NELFE: variants seen among roughly 807,000 people sequenced by gnomAD.
The protein encoded by NELFE is negative elongation factor E.
A neutral mutation model predicts 55.5 loss-of-function variants in NELFE; 26 were observed. The ratio of observed to expected loss-of-function variants is 0.47; its 90% CI spans 0.34 to 0.65. The LOEUF is 0.65. NELFE is among the 30% of genes least tolerant of loss of function. NELFE has a pLI of 0.01. For synonymous variants in NELFE, 162 were observed against 178.0 expected (o/e 0.91, Z 0.72); for missense variants, 403 against 506.9 (o/e 0.80, Z 1.97).
chr6:31,954,753 G>C lies in NELFE; in HGVS notation c.544C>G (p.Pro182Ala). The part of the protein sequence containing the change: ...ERSGAHSSAS[P>A]PRSRSRDRSH... ...CGGTCCCGGCTGCGGCTTCGGGGAGGGGAGGCTGAGGAGTGGGCACCACTG... is the reference window on the plus strand; with the variant it reads ...CGGTCCCGGCTGCGGCTTCGGGGAGCGGAGGCTGAGGAGTGGGCACCACTG... Residue 182 changes from proline (P) to alanine (A), a missense_variant, in exon 7 of 11, where the codon CCT (proline) becomes GCT (alanine). Coordinates refer to ENST00000375429, the MANE Select transcript of NELFE (RefSeq NM_002904.6). This position sits in a 1 kb window ranked among gnomAD's most constrained non-coding sequence, Gnocchi z 5.5. 6.2e-7 allele frequency: 1 copy of C among 1,613,346 alleles called. No homozygotes were observed. The highest frequency in any genetic ancestry group is 8.5e-7 in the Non-Finnish European group (1 of 1,180,014).
At position 31,957,005 on chromosome 6, in the gene NELFE, C is replaced by A. The variant is rs774221958; in HGVS notation, c.81G>T (p.Lys27Asn). The A allele has an allele frequency of 1.3e-6, 2 of 1,598,654 alleles. No homozygotes were observed. The highest frequency in any genetic ancestry group is 1.7e-6 in the Non-Finnish European group (2 of 1,168,236). Residue 27 changes from lysine to asparagine, a missense_variant, in exon 3 of 11, where the codon AAG becomes AAT. By Grantham distance (94) the Lys-to-Asn change is moderately conservative (BLOSUM62 0). Around this residue, in one of 3 missense-constraint regions of NELFE, gnomAD observed 97 missense variants for 155.3 expected, o/e 0.62. Coordinates refer to ENST00000375429, the MANE Select transcript of NELFE (RefSeq NM_002904.6). ...KKFNKLKKKK[K>N]ALLALKKQSS... ...TTTGCTTCTTCAGAGCCAGCAATGCCTTTTTCTGGGAACAAGGGTGAGAAG... is the reference window on the plus strand; with the variant it reads ...TTTGCTTCTTCAGAGCCAGCAATGCATTTTTCTGGGAACAAGGGTGAGAAG...
intron 9 of NELFE, 89 bp from the exon 10 acceptor site, chr6:31,953,920 G>C (rs1771909627): frequency 7.3e-7 from 1 of 1,365,368 alleles, no homozygotes; most frequent in African/African-American, 1.4e-5. Flanking sequence ...ATCCTAGGAG[G>C]AGACTGAATA....
Position 31,954,507 on chromosome 6 carries a change from C to T in NELFE, c.742+48G>A. 1.3e-6 allele frequency: 2 copies of T among 1,584,528 alleles called. No individual in the cohort carries two copies. The highest frequency in any genetic ancestry group is 2.3e-5 in the South Asian group (2 of 85,840). The stretch of plus-strand genomic sequence containing the variant: ...GCCACATTTCACTTAGTAGGACCCA[C>T]ATAAACCTCAGTTAAGGTCACCTTG... On this transcript the variant is annotated intron_variant, in intron 7 of 10. Transcript: ENST00000375429. The surrounding 1 kb of genome is among the most constrained non-coding windows in gnomAD (Gnocchi z 5.5).
At chr6:31,953,701 G>T in intron 10 of NELFE, 28 bp downstream of exon 10, 1 of 1,562,430 alleles carries the variant, frequency 6.4e-7, no homozygotes, top group Non-Finnish European at 8.8e-7. Flanking sequence ...TGGGGGAGAG[G>T]ATGGGAAAGG....
rs183347669 is a variant in NELFE, at chr6:31,952,167, C to T, written c.*134G>A. 1.4e-4 allele frequency: 198 copies of T among 1,450,710 alleles called. No individual in the cohort carries two copies. In the African/African-American group the frequency reaches 2.3e-3, roughly 17 times the overall value. 89.9% of individuals were successfully genotyped at this position (1,450,710 alleles called of 1,614,324 possible). A position where few individuals can be genotyped will look rare whatever the true frequency, so the allele number is the denominator to read the frequency against. On this transcript the variant is annotated 3_prime_UTR_variant, in exon 11 of 11. Coordinates refer to ENST00000375429, the MANE Select transcript of NELFE (RefSeq NM_002904.6). ...TTACACTGAGATCAAACCTGACAGC[C>T]GTTTTTAAAGGTTTAACCCCAATCC...
In NELFE at chr6:31,954,239, A is replaced by G; in HGVS notation, c.887+59T>C. ...TGCAGGGAGGGCAGCTTCTTCCCTCAGGTCTCACACCCCAGGATTCTCCCA... is the reference window on the plus strand; with the variant it reads ...TGCAGGGAGGGCAGCTTCTTCCCTCGGGTCTCACACCCCAGGATTCTCCCA... On this transcript the variant is annotated intron_variant, in intron 8 of 10. Transcript: ENST00000375429. The surrounding 1 kb of genome is among the most constrained non-coding windows in gnomAD (Gnocchi z 5.5). 3 of 1,610,252 alleles carry G rather than the reference A, an allele frequency of 1.9e-6. No individual in the cohort carries two copies. Among genetic ancestry groups the G allele is most frequent in the Non-Finnish European group, 2.5e-6 (3 of 1,177,230 alleles).
In NELFE at chr6:31,952,259, A is replaced by G. The variant is rs754459419; in HGVS notation, c.*42T>C. The stretch of plus-strand genomic sequence containing the variant: ...TCCACCTCAGTGTTTTACTGAGACC[A>G]GCATTGGGGCATATGAGGCACAAGG... On this transcript the variant is annotated 3_prime_UTR_variant, in exon 11 of 11. Transcript: ENST00000375429. The G allele has an allele frequency of 3.3e-5, 51 of 1,532,634 alleles. No individual in the cohort carries two copies. Among genetic ancestry groups the G allele is most frequent in the Non-Finnish European group, 4.4e-5 (49 of 1,110,236 alleles). 94.9% of individuals were successfully genotyped at this position (1,532,634 alleles called of 1,614,324 possible).
chr6:31,958,239 A>G (rs1195452478), intron 2 of NELFE, 133 bp downstream of exon 2: 2 of 808,690 alleles, frequency 2.5e-6, no homozygotes, highest in Non-Finnish European at 4.3e-6. Context: ...CCACCTCTCG[A>G]AGCTACACTG....
At chr6:31,953,996 A>C (rs187866208) in intron 9 of NELFE, 84 bp downstream of exon 9, 2 of 1,490,664 alleles carry the variant, frequency 1.3e-6, no homozygotes, top group Non-Finnish European at 1.9e-6. Context: ...AGAGGAACCA[A>C]CTTCTTCCTG....
Position 31,953,816 on chromosome 6 carries a change from C to T in NELFE, c.958G>A (p.Val320Met). The T allele has an allele frequency of 6.2e-7, 1 of 1,613,030 alleles. No homozygotes were observed. Reference sequence around the variant, plus strand: ...TTGACTTTGAGCTGTACAGACTCCACCTGGGTCCCGTTGAGCTGAAGCAGA... The same window carrying T: ...TTGACTTTGAGCTGTACAGACTCCATCTGGGTCCCGTTGAGCTGAAGCAGA... ...QAVAELNGTQ[V>M]ESVQLKVNIA... Residue 320 changes from valine to methionine, a missense_variant, in exon 10 of 11, where the codon GTG (valine) becomes ATG (methionine). Physicochemically the swap from Val to Met is conservative, Grantham distance 21. Around this residue, in one of 3 missense-constraint regions of NELFE, gnomAD observed 77 missense variants for 123.3 expected, o/e 0.62. Coordinates refer to ENST00000375429, the MANE Select transcript of NELFE (RefSeq NM_002904.6).
chr6:31,954,692 C>A lies in NELFE; in HGVS notation c.605G>T (p.Arg202Leu). The A allele has an allele frequency of 6.2e-7, 1 of 1,611,178 alleles. No homozygotes were observed. Among genetic ancestry groups the A allele is most frequent in the Non-Finnish European group, 8.5e-7 (1 of 1,179,024 alleles). ...TCGATCCCGGTCTCGATCCCGCTCC[C>A]GATCTCGGTCTCTGTCCCGGTTCCT... ...HERNRDRDRD[R>L]ERDRDRDRDR... Residue 202 changes from arginine to leucine, a missense_variant, in exon 7 of 11, where the codon CGG (arginine) becomes CTG (leucine). Transcript: ENST00000375429. This position sits in a 1 kb window ranked among gnomAD's most constrained non-coding sequence, Gnocchi z 5.5.
rs760993431 is a variant in NELFE, at chr6:31,954,171, G to A, written c.888-37C>T. 6.2e-7 allele frequency: 1 copy of A among 1,611,448 alleles called. No individual in the cohort carries two copies. The highest frequency in any genetic ancestry group is 8.5e-7 in the Non-Finnish European group (1 of 1,177,594). ...GAAAACACGGTCAGTGGAGAGCCAA[G>A]GGGCTCTTCTGGACCCAACCAAACC... On this transcript the variant is annotated intron_variant, in intron 8 of 10. Coordinates refer to ENST00000375429, the MANE Select transcript of NELFE (RefSeq NM_002904.6). This position sits in a 1 kb window ranked among gnomAD's most constrained non-coding sequence, Gnocchi z 5.5.
At chr6:31,957,191 T>G (rs1385395881) in intron 2 of NELFE, 181 bp from the exon 3 acceptor site, 7 of 640,834 alleles carry the variant, frequency 1.1e-5, no homozygotes, top group Non-Finnish European at 1.9e-5. Flanking sequence ...TGGAAATTCC[T>G]AATCTAACCA....
In NELFE at chr6:31,952,213, G is replaced by T; in HGVS notation, c.*88C>A. The T allele has an allele frequency of 7.0e-7, 1 of 1,419,960 alleles. No individual in the cohort carries two copies. Among genetic ancestry groups the T allele is most frequent in the Non-Finnish European group, 9.8e-7 (1 of 1,016,290 alleles). The allele number at this position is 1,419,960 out of a possible 1,614,324, so 88.0% of individuals were successfully genotyped here. ...AATCCCAAGTGCTGAAAAACCAGAG[G>T]CTGAGGGAGATGTGTAAGCTTCCAC... On this transcript the variant is annotated 3_prime_UTR_variant, in exon 11 of 11. Coordinates refer to ENST00000375429, the MANE Select transcript of NELFE (RefSeq NM_002904.6).
At chr6:31,957,658 T>C (rs751347824) in intron 2 of NELFE, among the ~76,000 whole-genome samples, 5 of 152,222 alleles carry the variant, frequency 3.3e-5, no homozygotes, top group African/African-American at 7.2e-5. Context: ...TTGGAAGTAG[T>C]GAATAGTTCT....
At position 31,954,733 on chromosome 6, in the gene NELFE, C is replaced by T. The variant is rs1462436946; in HGVS notation, c.564G>A (p.Arg188=). 3 of 1,613,866 alleles carry T rather than the reference C, an allele frequency of 1.9e-6. No homozygotes were observed. The highest frequency in any genetic ancestry group is 3.3e-5 in the Admixed American group (2 of 60,020). Residue 188 remains arginine (R), a synonymous_variant, in exon 7 of 11, where the codon CGG becomes CGA. Coordinates refer to ENST00000375429, the MANE Select transcript of NELFE (RefSeq NM_002904.6). The surrounding 1 kb of genome is among the most constrained non-coding windows in gnomAD (Gnocchi z 5.5). ...CCCGGTTCCTCTCATGGCTGCGGTCCCGGCTGCGGCTTCGGGGAGGGGAGG... is the reference window on the plus strand; with the variant it reads ...CCCGGTTCCTCTCATGGCTGCGGTCTCGGCTGCGGCTTCGGGGAGGGGAGG... ...SSASPPRSRS[R]DRSHERNRDR...
chr6:31,954,776 C>T lies in NELFE; in HGVS notation c.521G>A (p.Ser174Asn). ...RSFDWGYEER[S>N]GAHSSASPPR... ...AGGGGAGGCTGAGGAGTGGGCACCA[C>T]TGCGTTCTTCATAGCCCCAGTCAAA... is the stretch of plus-strand genomic sequence containing the variant. Residue 174 changes from serine (S) to asparagine (N), a missense_variant, in exon 7 of 11, where the codon AGT becomes AAT. Coordinates refer to ENST00000375429, the MANE Select transcript of NELFE (RefSeq NM_002904.6). The surrounding 1 kb of genome is among the most constrained non-coding windows in gnomAD (Gnocchi z 5.5). 4.3e-6 allele frequency: 7 copies of T among 1,612,520 alleles called. No individual in the cohort carries two copies. The highest frequency in any genetic ancestry group is 5.9e-6 in the Non-Finnish European group (7 of 1,179,874).
intron 10 of NELFE, 26 bp downstream of exon 10, chr6:31,953,693 GGGGAGAGGAT>G (rs753772318): frequency 6.5e-7 from 1 of 1,539,758 alleles, no homozygotes; most frequent in South Asian, 1.1e-5. Context: ...ATGGCCTGTG[GGGGAGAGGAT>G]GGGAAAGGAA....
At chr6:31,955,818 G>A (rs1168907861) in intron 4 of NELFE, among the ~76,000 whole-genome samples, 2 of 152,052 alleles carry the variant, frequency 1.3e-5, no homozygotes, top group Non-Finnish European at 2.9e-5. Context: ...CGTCCAGGCT[G>A]GAGTGCAGTG....
Sources: allele counts gnomAD v4.1 joint callset (sites outside exome capture counted in the v4.1 genomes callset), GRCh38; gene constraint gnomAD v4.1.1; regional missense constraint gnomAD v4.1.1; non-coding constraint Gnocchi (gnomAD v3.1); transcripts MANE v1.5; gene names NCBI Gene and HGNC (gene_info 2026-07-23, HGNC 2026-07-21).